The following RMDN1 variants were observed in gnomAD, a reference collection of about 807,000 sequenced individuals.
RMDN1 encodes regulator of microtubule dynamics 1.
RMDN1 carries 48 observed loss-of-function variants against 48.9 expected under a neutral mutation model. The observed-to-expected ratio is 0.98, with a 90% confidence interval of 0.78 to 1.25. RMDN1 has a LOEUF of 1.25. Ranked by LOEUF, RMDN1 falls within the 50% of genes most tolerant of loss-of-function variation. The pLI is 0.00. For synonymous variants in RMDN1, 148 were observed against 132.6 expected (o/e 1.12, Z -0.80); for missense variants, 418 against 373.4 (o/e 1.12, Z -0.98).
At chr8:86,511,229 C>T (rs1052668624), upstream of RMDN1, among the ~76,000 whole-genome samples, 1 of 151,914 alleles carries the variant, frequency 6.6e-6, no homozygotes, top group African/African-American at 2.4e-5. Context: ...AATCCCAGCA[C>T]TTTGGGAGGC....
At chr8:86,502,928 G>C (rs1331695626) in intron 2 of RMDN1, among the ~76,000 whole-genome samples, 1 of 152,042 alleles carries the variant, frequency 6.6e-6, no homozygotes, top group South Asian at 2.1e-4. Context: ...AATATAAACC[G>C]TTAATAAAGC....
chr8:86,479,337 C>A (rs1813944191), intron 6 of RMDN1, among the ~76,000 whole-genome samples: 1 of 152,038 alleles, frequency 6.6e-6, no homozygotes, highest in Admixed American at 6.6e-5. Flanking sequence ...GATAATTTCC[C>A]CTATTTTTCT....
At chr8:86,474,671 T>C in intron 9 of RMDN1, 149 bp downstream of exon 9, 1 of 837,892 alleles carries the variant, frequency 1.2e-6, no homozygotes, top group Non-Finnish European at 2.0e-6. Flanking sequence ...TATAGAAATA[T>C]AAATGTCAAT....
intron 5 of RMDN1, chr8:86,482,988 G>A (rs560828601): frequency 7.3e-6 from 5 of 689,628 alleles, no homozygotes; most frequent in East Asian, 2.6e-5. Context: ...GCTGCCCCTC[G>A]ATGAGCAGTG....
chr8:86,481,910 G>A (rs1473852554), intron 5 of RMDN1: 21 of 774,786 alleles, frequency 2.7e-5, no homozygotes, highest in East Asian at 8.0e-5. Context: ...GGGGTGGCTC[G>A]GCCAGACACG....
intron 5 of RMDN1, among the ~76,000 whole-genome samples, chr8:86,481,141 A>G (rs567568766): frequency 1.3e-5 from 2 of 152,314 alleles, no homozygotes; most frequent in African/African-American, 4.8e-5. Context: ...CTTTCAGTTT[A>G]GTAATGTGTG....
At chr8:86,479,057 T>C (rs751212714) in intron 6 of RMDN1, 47 bp from the exon 7 acceptor site, 1 of 1,390,122 alleles carries the variant, frequency 7.2e-7, no homozygotes, top group Non-Finnish European at 1.0e-6. Context: ...GTACCTTCTT[T>C]TCTCTTAAAG....
chr8:86,469,098 G>C (rs972511394), downstream of RMDN1, among the ~76,000 whole-genome samples: 5 of 149,354 alleles, frequency 3.3e-5, no homozygotes, highest in African/African-American at 1.2e-4. Flanking sequence ...GATCAGTTAA[G>C]CAACACAATT....
chr8:86,471,230 G>A (rs933755220), downstream of RMDN1, among the ~76,000 whole-genome samples: 5 of 150,650 alleles, frequency 3.3e-5, no homozygotes, highest in Non-Finnish European at 7.4e-5. Flanking sequence ...GGAATCAGGA[G>A]GTAAGACCTC....
At chr8:86,493,430 CG>C (rs1431800039) in intron 2 of RMDN1, among the ~76,000 whole-genome samples, 1 of 151,880 alleles carries the variant, frequency 6.6e-6, no homozygotes, top group East Asian at 1.9e-4. Flanking sequence ...CCTAAGTGCC[CG>C]TTAATAGATG....
chr8:86,495,917 C>A (rs1278123748), intron 2 of RMDN1, among the ~76,000 whole-genome samples: 1 of 152,132 alleles, frequency 6.6e-6, no homozygotes, highest in African/African-American at 2.4e-5. Flanking sequence ...AGGAGGTCAC[C>A]TACTACGGGA....
chr8:86,511,196 C>T (rs1319261821), upstream of RMDN1, among the ~76,000 whole-genome samples: 3 of 151,584 alleles, frequency 2.0e-5, no homozygotes, highest in Non-Finnish European at 2.9e-5. Flanking sequence ...TAAAGAAGTT[C>T]GGGCACGGTG....
chr8:86,499,791 A>G (rs959949981), intron 2 of RMDN1, among the ~76,000 whole-genome samples: 4 of 152,188 alleles, frequency 2.6e-5, no homozygotes, highest in African/African-American at 9.7e-5. Flanking sequence ...ACTTCAAACT[A>G]TACTACGAGA....
At chr8:86,508,770 C>CTCCTGCACAGCACCTCTTCCGCCT (rs1819864223), upstream of RMDN1, 2 of 1,373,292 alleles carry the variant, frequency 1.5e-6, no homozygotes, top group Non-Finnish European at 1.9e-6. Context: ...CCTCTTCCGC[C>CTCCTGCACAGCACCTCTTCCGCCT]CCCATGGTTT....
At chr8:86,497,293 G>A (rs1817524703) in intron 2 of RMDN1, among the ~76,000 whole-genome samples, 1 of 152,052 alleles carries the variant, frequency 6.6e-6, no homozygotes, top group South Asian at 2.1e-4. Context: ...ATTAAGAGCT[G>A]AACTGAACTG....
upstream of RMDN1, among the ~76,000 whole-genome samples, chr8:86,510,671 A>G (rs1430713109): frequency 6.6e-6 from 1 of 152,206 alleles, no homozygotes; most frequent in East Asian, 1.9e-4. Context: ...TTCCTAAACC[A>G]CAGAAGCTAT....
Position 86,484,906 on chromosome 8 carries a change from A to G in RMDN1, c.551T>C (p.Ile184Thr), listed in dbSNP as rs1182677411. The part of the protein sequence containing the change: ...VGDYEGIKAK[I>T]ANAYIIKEHF... Reference sequence around the variant, plus strand: ...CTCCTTGATGATATATGCATTTGCAATTTTAGCCTTGATGCCTTCATAATC... The same window carrying G: ...CTCCTTGATGATATATGCATTTGCAGTTTTAGCCTTGATGCCTTCATAATC... Residue 184 changes from isoleucine (I) to threonine (T), a missense_variant, in exon 5 of 10, where the codon ATT becomes ACT. Coordinates refer to ENST00000406452, the MANE Select transcript of RMDN1 (RefSeq NM_016033.3). The G allele has an allele frequency of 1.2e-6, 2 of 1,608,110 alleles. No homozygotes were observed. Among genetic ancestry groups the G allele is most frequent in the African/African-American group, 1.3e-5 (1 of 74,726 alleles).
At chr8:86,512,666 C>T (rs980165352), upstream of RMDN1, among the ~76,000 whole-genome samples, 7 of 152,210 alleles carry the variant, frequency 4.6e-5, no homozygotes, top group South Asian at 6.2e-4. Flanking sequence ...AAGATTCAAC[C>T]GTCCTCTAGG....
intron 2 of RMDN1, among the ~76,000 whole-genome samples, chr8:86,497,343 T>G (rs1313295108): frequency 1.3e-5 from 2 of 152,128 alleles, no homozygotes; most frequent in Non-Finnish European, 2.9e-5. Flanking sequence ...AAAAAATCAA[T>G]GAAACCAAAA....
Sources: gnomAD v4.1 joint callset for allele counts (sites outside exome capture counted in the v4.1 genomes callset) on GRCh38, gnomAD v4.1.1 for gene constraint, MANE v1.5 for transcripts, NCBI Gene and HGNC (gene_info 2026-07-23, HGNC 2026-07-21) for gene names.